Variants in AFG2A observed in about 807,000 individuals in gnomAD.
The protein encoded by AFG2A is AAA ATPase AFG2A, also known as ATPase family gene 2 protein homolog A.
the AFG2A span, among the ~76,000 whole-genome samples, chr4:123,087,779 G>GTCTC: frequency 6.6e-6 from 1 of 152,164 alleles, no homozygotes; most frequent in Non-Finnish European, 1.5e-5. Context: ...TGGGCTGTCT[G>GTCTC]TCTCTCCAAT....
the AFG2A span, chr4:122,935,769 A>G: frequency 6.2e-7 from 1 of 1,612,744 alleles, no homozygotes. Flanking sequence ...CTGGAAAAAC[A>G]ATGATCGCCA....
At chr4:123,136,503 C>T in the AFG2A span, among the ~76,000 whole-genome samples, 1 of 150,118 alleles carries the variant, frequency 6.7e-6, no homozygotes, top group South Asian at 2.1e-4. Flanking sequence ...CCCGTCTCTA[C>T]TAAAAAAAAA....
At chr4:123,261,033 G>A in the AFG2A span, among the ~76,000 whole-genome samples, 1 of 152,286 alleles carries the variant, frequency 6.6e-6, no homozygotes, top group African/African-American at 2.4e-5. Flanking sequence ...GATCTAGGTT[G>A]TGTGCTCCCT....
chr4:123,311,400 G>A, the AFG2A span, among the ~76,000 whole-genome samples: 1 of 152,036 alleles, frequency 6.6e-6, no homozygotes, highest in Non-Finnish European at 1.5e-5. Context: ...GGCCAAGGCG[G>A]GCGGATCACA....
chr4:123,132,125 GACAA>G, the AFG2A span, among the ~76,000 whole-genome samples: 6 of 151,920 alleles, frequency 3.9e-5, no homozygotes, highest in African/African-American at 1.5e-4. Flanking sequence ...AAGTATGATT[GACAA>G]ACAAAAATTG....
At chr4:123,221,388 C>T in the AFG2A span, among the ~76,000 whole-genome samples, 7 of 152,202 alleles carry the variant, frequency 4.6e-5, no homozygotes, top group East Asian at 7.7e-4. Context: ...GTCTCAAACT[C>T]GTAGGCTCAA....
At chr4:123,244,302 G>A in the AFG2A span, among the ~76,000 whole-genome samples, 6 of 152,106 alleles carry the variant, frequency 3.9e-5, no homozygotes, top group East Asian at 7.7e-4. Context: ...CTGTATCTTG[G>A]TATTTTGTAC....
At chr4:123,007,591 TGTG>T in the AFG2A span, among the ~76,000 whole-genome samples, 3 of 3,640 alleles carry the variant, frequency 8.2e-4, no homozygotes, top group African/African-American at 2.7e-3. Context: ...TGTGTGTGTG[TGTG>T]TGTGTGTGTG....
At chr4:123,046,155 A>T in the AFG2A span, among the ~76,000 whole-genome samples, 2 of 151,930 alleles carry the variant, frequency 1.3e-5, no homozygotes, top group Non-Finnish European at 2.9e-5. Context: ...AGAGATTTTT[A>T]AATTTATTTC....
At chr4:122,929,205 T>C in the AFG2A span, 2 of 1,560,916 alleles carry the variant, frequency 1.3e-6, no homozygotes, top group Admixed American at 2.1e-5. Flanking sequence ...GAGGTTTGGC[T>C]CTTTTCTTTG....
the AFG2A span, among the ~76,000 whole-genome samples, chr4:123,205,370 A>G: frequency 2.0e-5 from 3 of 152,060 alleles, no homozygotes; most frequent in African/African-American, 4.8e-5. Context: ...CAGTTATTAT[A>G]CATAATACAG....
the AFG2A span, among the ~76,000 whole-genome samples, chr4:123,195,263 G>C: frequency 6.6e-6 from 1 of 152,250 alleles, no homozygotes; most frequent in African/African-American, 2.4e-5. Context: ...CGCTATCCAA[G>C]TTTACCTGGA....
the AFG2A span, among the ~76,000 whole-genome samples, chr4:123,148,300 A>G: frequency 0.022 from 3,293 of 152,326 alleles, 67 homozygotes; most frequent in Non-Finnish European, 0.035. Context: ...GATTGAGACC[A>G]GAACTCCACA....
chr4:122,924,244 G>C, the AFG2A span, among the ~76,000 whole-genome samples: 1 of 152,056 alleles, frequency 6.6e-6, no homozygotes, highest in African/African-American at 2.4e-5. Context: ...TCTTAAATCA[G>C]AACAAAAGCT....
chr4:122,952,217 A>G, the AFG2A span, among the ~76,000 whole-genome samples: 3 of 152,164 alleles, frequency 2.0e-5, no homozygotes, highest in African/African-American at 7.2e-5. Flanking sequence ...AGAATCCTAA[A>G]GGCGCATATG....
At chr4:122,933,571 G>A in the AFG2A span, 1 of 1,100,668 alleles carries the variant, frequency 9.1e-7, no homozygotes, top group South Asian at 1.3e-5. Flanking sequence ...GTCTTTGAGG[G>A]CTTATATATG....
At chr4:123,137,226 TTGA>T in the AFG2A span, among the ~76,000 whole-genome samples, 1 of 152,182 alleles carries the variant, frequency 6.6e-6, no homozygotes, top group African/African-American at 2.4e-5. Flanking sequence ...AACCCGGGGG[TTGA>T]TGACCCCTGA....
chr4:122,982,763 GC>G, the AFG2A span, among the ~76,000 whole-genome samples: 1 of 151,310 alleles, frequency 6.6e-6, no homozygotes, highest in South Asian at 2.1e-4. Flanking sequence ...CCAAATTGTT[GC>G]CATGTAATTG....
chr4:123,292,717 C>T, the AFG2A span, among the ~76,000 whole-genome samples: 1 of 152,070 alleles, frequency 6.6e-6, no homozygotes, highest in Non-Finnish European at 1.5e-5. Context: ...AACAGGTTCA[C>T]TGTCTCGTGG....
Sources: gnomAD v4.1 joint callset for allele counts (sites outside exome capture counted in the v4.1 genomes callset) on GRCh38, gnomAD v4.1.1 for gene constraint, MANE v1.5 for transcripts, NCBI Gene and HGNC (gene_info 2026-07-23, HGNC 2026-07-21) for gene names.